Variants in PEAK1 observed in about 807,000 individuals in gnomAD.
PEAK1 encodes the protein pseudopodium enriched atypical kinase 1.
Under a neutral mutation model 124.7 loss-of-function variants are expected in PEAK1, and 54 were observed. The observed-to-expected ratio is 0.43, with a 90% CI of 0.35 to 0.54. The LOEUF (loss-of-function observed/expected upper bound fraction) is 0.54, where lower values mean the gene tolerates loss of function less well. Ranked by LOEUF, PEAK1 falls within the 20% of genes least tolerant of loss-of-function variation. PEAK1 has a pLI of 0.01. For synonymous variants in PEAK1, 719 were observed against 760.0 expected (o/e 0.95, Z 0.89); for missense variants, 2,046 against 2,134.5 (o/e 0.96, Z 0.82).
intron 2 of PEAK1, chr15:77,334,584 T>C (rs929651424): frequency 1.2e-5 from 12 of 985,242 alleles, no homozygotes; most frequent in African/African-American, 3.5e-5. Context: ...TCCTTTCATA[T>C]TGTCTCTAGC....
intron 2 of PEAK1, chr15:77,330,999 T>C: frequency 1.1e-6 from 1 of 901,222 alleles, no homozygotes; most frequent in Non-Finnish European, 1.3e-6. Flanking sequence ...AGGATCAAAG[T>C]ATATCTAAAA....
At chr15:77,171,965 T>C (rs972969120) in intron 7 of PEAK1, among the ~76,000 whole-genome samples, 2 of 152,178 alleles carry the variant, frequency 1.3e-5, no homozygotes, top group African/African-American at 4.8e-5. Flanking sequence ...CTGTGATATG[T>C]TGCTTTGATT....
intron 2 of PEAK1, among the ~76,000 whole-genome samples, chr15:77,298,603 TAATAA>T (rs1223834566): frequency 6.6e-6 from 1 of 152,112 alleles, no homozygotes; most frequent in Non-Finnish European, 1.5e-5. Flanking sequence ...GGACGAAACA[TAATAA>T]ATTAAATGGT....
intron 2 of PEAK1, among the ~76,000 whole-genome samples, chr15:77,288,120 C>T (rs2063021785): frequency 6.6e-6 from 1 of 152,080 alleles, no homozygotes; most frequent in Admixed American, 6.6e-5. Flanking sequence ...ATATCAAACC[C>T]TCATTATGCC....
chr15:77,284,453 CAT>C (rs1330734139), intron 4 of PEAK1, among the ~76,000 whole-genome samples: 2 of 152,302 alleles, frequency 1.3e-5, no homozygotes, highest in African/African-American at 2.4e-5. Context: ...TTGTAGAGCA[CAT>C]GAGTCAGTAG....
rs939546416 is a variant in PEAK1 at position 77,274,269 on chromosome 15, A to G, written c.-275+9614T>C. ...GCAAACGCAACAAAAACAAAGATAA[A>G]TAGATGGAACTTAATTAAACGAAAA... is the stretch of plus-strand genomic sequence containing the variant. On this transcript the variant is annotated intron_variant, in intron 5 of 9. Coordinates refer to ENST00000682557, the MANE Select transcript of PEAK1 (RefSeq NM_001385026.1). 8.5e-5 allele frequency among the ~76,000 whole-genome samples: 13 copies of G among 152,204 alleles called. No individual in the cohort carries two copies. The East Asian group carries it at 2.5e-3, about 29-fold the overall frequency.
chr15:77,212,985 A>C (rs1337295729), intron 6 of PEAK1, among the ~76,000 whole-genome samples: 3 of 152,224 alleles, frequency 2.0e-5, no homozygotes, highest in African/African-American at 4.8e-5. Context: ...ACATCTTTTT[A>C]AAGGAACACA....
chr15:77,214,444 G>A (rs991357344), intron 6 of PEAK1, among the ~76,000 whole-genome samples: 43 of 150,038 alleles, frequency 2.9e-4, no homozygotes, highest in African/African-American at 8.9e-4. Flanking sequence ...GTGAAACCTC[G>A]TCTCTACTAA....
In PEAK1 at chr15:77,193,332, CTTAAA is replaced by C. The variant is rs573342273; in HGVS notation, c.-114-11297_-114-11293del. Among the ~76,000 whole-genome samples, 12 of 152,226 alleles carry C rather than the reference CTTAAA, an allele frequency of 7.9e-5. 1 individual carries two copies. The South Asian group carries it at 2.1e-3, about 26-fold the overall frequency. ...TTACACACAAATTTAATTTGATCAGCTTAAATTAGTTTTATTGATCTTGTTTGTAC... is the reference window on the plus strand; with the variant it reads ...TTACACACAAATTTAATTTGATCAGCTTAGTTTTATTGATCTTGTTTGTAC... On this transcript the variant is annotated intron_variant, in intron 6 of 9. Coordinates refer to ENST00000682557, the MANE Select transcript of PEAK1 (RefSeq NM_001385026.1).
At chr15:77,106,872 T>C (rs2050759194), downstream of PEAK1, 1 of 152,230 alleles carries the variant, frequency 6.6e-6, no homozygotes, top group Non-Finnish European at 1.5e-5. Context: ...TCCTTCGCTA[T>C]TTTGTCATGC....
intron 2 of PEAK1, among the ~76,000 whole-genome samples, chr15:77,301,555 T>C (rs2063787762): frequency 6.6e-6 from 1 of 152,194 alleles, no homozygotes; most frequent in African/African-American, 2.4e-5. Flanking sequence ...CTGTGATTTA[T>C]TTGATTTCTC....
chr15:77,109,949 A>G lies in PEAK1; in HGVS notation c.*4207T>C, dbSNP rs2050890018. 1 of 152,226 alleles carries G rather than the reference A, an allele frequency of 6.6e-6. No individual in the cohort carries two copies. The highest frequency in any genetic ancestry group is 2.1e-4 in the South Asian group (1 of 4,830). 9.4% of individuals were successfully genotyped at this position (152,226 alleles called of 1,614,324 possible). A position where few individuals can be genotyped will look rare whatever the true frequency, so the allele number is the denominator to read the frequency against. On this transcript the variant is annotated 3_prime_UTR_variant, in exon 10 of 10. Coordinates refer to ENST00000682557, the MANE Select transcript of PEAK1 (RefSeq NM_001385026.1). The stretch of plus-strand genomic sequence containing the variant: ...TGACTAGCCTGTACTTTTTCAGATC[A>G]CTGCTGGTAAAATCTAGAAGAAATC...
intron 5 of PEAK1, among the ~76,000 whole-genome samples, chr15:77,282,431 T>C (rs2062720913): frequency 6.6e-6 from 1 of 152,220 alleles, no homozygotes; most frequent in Admixed American, 6.5e-5. Flanking sequence ...AGCAATTTCT[T>C]TATTGAAATA....
At chr15:77,273,695 C>G (rs544085164) in intron 5 of PEAK1, among the ~76,000 whole-genome samples, 1 of 152,186 alleles carries the variant, frequency 6.6e-6, no homozygotes, top group African/African-American at 2.4e-5. Flanking sequence ...GTGATAATGA[C>G]CATACTGCCA....
At position 77,168,122 on chromosome 15, in the gene PEAK1, T is replaced by C. The variant is rs1313459331; in HGVS notation, c.3138-9426A>G. Among the ~76,000 whole-genome samples the C allele has an allele frequency of 4.6e-5, 7 of 152,132 alleles. No homozygotes were observed. The East Asian group carries it at 9.6e-4, about 21-fold the overall frequency. ...AACTGGAGCATTAGCATTAAAACAATTGAAGCTTCTAACTGAATTTTCCAG... is the reference window on the plus strand; with the variant it reads ...AACTGGAGCATTAGCATTAAAACAACTGAAGCTTCTAACTGAATTTTCCAG... On this transcript the variant is annotated intron_variant, in intron 7 of 9. Coordinates refer to ENST00000682557, the MANE Select transcript of PEAK1 (RefSeq NM_001385026.1).
At chr15:77,329,946 T>C (rs1403852557) in intron 2 of PEAK1, among the ~76,000 whole-genome samples, 2 of 152,136 alleles carry the variant, frequency 1.3e-5, no homozygotes, top group African/African-American at 4.8e-5. Context: ...ATATCTTGGT[T>C]CTAATTTAAG....
At chr15:77,256,743 T>C (rs972396403) in intron 5 of PEAK1, among the ~76,000 whole-genome samples, 2 of 152,172 alleles carry the variant, frequency 1.3e-5, no homozygotes. Flanking sequence ...ATTATTATTA[T>C]ACTTTAATTT....
At chr15:77,387,076 G>C (rs921820243) in intron 1 of PEAK1, among the ~76,000 whole-genome samples, 1 of 152,126 alleles carries the variant, frequency 6.6e-6, no homozygotes, top group Non-Finnish European at 1.5e-5. Flanking sequence ...AACTATTTCT[G>C]TGTTCTCAAC....
intron 1 of PEAK1, among the ~76,000 whole-genome samples, chr15:77,414,545 C>T (rs1226755649): frequency 6.6e-6 from 1 of 152,084 alleles, no homozygotes; most frequent in African/African-American, 2.4e-5. Flanking sequence ...TATCCTCTGA[C>T]TTGAAACGAA....
Sources: gnomAD v4.1 joint callset for allele counts (sites outside exome capture counted in the v4.1 genomes callset) on GRCh38, gnomAD v4.1.1 for gene constraint, MANE v1.5 for transcripts, NCBI Gene and HGNC (gene_info 2026-07-23, HGNC 2026-07-21) for gene names.